The following SKAP1 variants were observed in gnomAD, a reference collection of about 807,000 sequenced individuals.
SKAP1 encodes src kinase-associated phosphoprotein 1.
SKAP1 carries 44 observed loss-of-function variants against 58.5 expected under a neutral mutation model. The observed-to-expected ratio is 0.75, with a 90% CI of 0.59 to 0.97. The LOEUF is 0.97. Among genes scored for constraint, SKAP1 ranks in the 50% least tolerant of loss-of-function variants. SKAP1 has a pLI of 0.00. For synonymous variants in SKAP1, 127 were observed against 149.7 expected (o/e 0.85, Z 1.11); for missense variants, 390 against 435.2 (o/e 0.90, Z 0.92).
chr17:48,344,893 A>C (rs2066702339), intron 4 of SKAP1, among the ~76,000 whole-genome samples: 1 of 152,250 alleles, frequency 6.6e-6, no homozygotes, highest in Admixed American at 6.5e-5. Flanking sequence ...AGTAAAACAG[A>C]AATTATAAGC....
At chr17:48,277,880 A>T (rs2065719844) in intron 4 of SKAP1, among the ~76,000 whole-genome samples, 1 of 152,132 alleles carries the variant, frequency 6.6e-6, no homozygotes, top group Admixed American at 6.6e-5. Context: ...AGGCTTGGGC[A>T]TCACTGTGCC....
chr17:48,217,441 G>A (rs893941104), intron 4 of SKAP1, among the ~76,000 whole-genome samples: 2 of 152,100 alleles, frequency 1.3e-5, no homozygotes, highest in Admixed American at 6.5e-5. Flanking sequence ...GAGCTCAGGT[G>A]TTTGAGACCA....
At chr17:48,205,037 T>TTCTTTCTTTCTCTC in intron 4 of SKAP1, among the ~76,000 whole-genome samples, 2 of 55,802 alleles carry the variant, frequency 3.6e-5, no homozygotes, top group African/African-American at 1.1e-4. Context: ...CTTTCTTTCT[T>TTCTTTCTTTCTCTC]TCTCTCTCTC....
intron 4 of SKAP1, among the ~76,000 whole-genome samples, chr17:48,218,885 TAA>T (rs76150756): frequency 6.8e-6 from 1 of 147,270 alleles, no homozygotes; most frequent in East Asian, 2.0e-4. Context: ...TTCAGATTGT[TAA>T]AAAAAAAACC....
At chr17:48,195,881 G>A (rs920636134) in intron 4 of SKAP1, among the ~76,000 whole-genome samples, 1 of 152,040 alleles carries the variant, frequency 6.6e-6, no homozygotes, top group Non-Finnish European at 1.5e-5. Context: ...AGAAATCTGT[G>A]GAGAAAATCC....
At chr17:48,340,668 C>G (rs1423207447) in intron 4 of SKAP1, among the ~76,000 whole-genome samples, 2 of 151,972 alleles carry the variant, frequency 1.3e-5, no homozygotes, top group East Asian at 3.8e-4. Flanking sequence ...TTTTAAAATT[C>G]TTGAAACTAC....
In SKAP1 at chr17:48,261,309, C is replaced by T. The variant is rs2065481837; in HGVS notation, c.281-71809G>A. Among the ~76,000 whole-genome samples, 4 of 152,100 alleles carry T rather than the reference C, an allele frequency of 2.6e-5. No homozygotes were observed. The South Asian group carries it at 8.3e-4, about 32-fold the overall frequency. On this transcript the variant is annotated intron_variant, in intron 4 of 12. Transcript: ENST00000336915. The stretch of plus-strand genomic sequence containing the variant: ...TGGTGAACAACAGAAGAGTGACATG[C>T]CTGTGACTCACTCTGAATAGAGCCT...
chr17:48,355,451 T>G (rs1567880436), intron 3 of SKAP1, among the ~76,000 whole-genome samples: 1 of 152,120 alleles, frequency 6.6e-6, no homozygotes, highest in Non-Finnish European at 1.5e-5. Flanking sequence ...CTAATTTTTG[T>G]ATCTTCTATA....
chr17:48,410,796 A>G (rs1209030498), intron 1 of SKAP1, among the ~76,000 whole-genome samples: 1 of 151,718 alleles, frequency 6.6e-6, no homozygotes, highest in Non-Finnish European at 1.5e-5. Flanking sequence ...GTGTGGTGGC[A>G]GGCACCTGTA....
At chr17:48,189,677 CTT>C (rs891672689) in intron 4 of SKAP1, among the ~76,000 whole-genome samples, 177 bp from the exon 5 acceptor site, 8 of 143,430 alleles carry the variant, frequency 5.6e-5, no homozygotes, top group Non-Finnish European at 4.6e-5. Context: ...CTTGCTTTTT[CTT>C]TTTTTTTTTT....
At chr17:48,228,539 T>G (rs950286950) in intron 4 of SKAP1, among the ~76,000 whole-genome samples, 1 of 152,180 alleles carries the variant, frequency 6.6e-6, no homozygotes, top group African/African-American at 2.4e-5. Flanking sequence ...ATTTAAGCCT[T>G]GTATTAGGTT....
intron 2 of SKAP1, among the ~76,000 whole-genome samples, chr17:48,394,097 T>C (rs2067384820): frequency 6.6e-6 from 1 of 151,796 alleles, no homozygotes; most frequent in Non-Finnish European, 1.5e-5. Flanking sequence ...TAGCCAGGCA[T>C]GGTGATGTGC....
intron 4 of SKAP1, among the ~76,000 whole-genome samples, chr17:48,317,947 A>G (rs1391253008): frequency 2.0e-5 from 3 of 152,240 alleles, no homozygotes; most frequent in Non-Finnish European, 4.4e-5. Context: ...CAGGTATGAG[A>G]GAAAAATAAT....
chr17:48,429,304 G>A (rs1191821754), intron 1 of SKAP1, among the ~76,000 whole-genome samples: 2 of 152,186 alleles, frequency 1.3e-5, no homozygotes, highest in Non-Finnish European at 2.9e-5. Flanking sequence ...GAAACTGCCC[G>A]TTAGCAACGT....
intron 4 of SKAP1, among the ~76,000 whole-genome samples, chr17:48,321,069 G>T (rs1237102065): frequency 2.6e-5 from 4 of 152,058 alleles, no homozygotes; most frequent in African/African-American, 9.7e-5. Context: ...TCAGTAACAT[G>T]GCTAGCAGTC....
chr17:48,140,546 T>G (rs2063755304), intron 11 of SKAP1, among the ~76,000 whole-genome samples: 1 of 152,174 alleles, frequency 6.6e-6, no homozygotes. Context: ...ACCCCAGGTC[T>G]GTACTGGACC....
At chr17:48,221,261 T>C (rs2065003602) in intron 4 of SKAP1, among the ~76,000 whole-genome samples, 1 of 152,138 alleles carries the variant, frequency 6.6e-6, no homozygotes, top group African/African-American at 2.4e-5. Flanking sequence ...AGTGAGACTC[T>C]GTCTCAATAA....
At chr17:48,150,693 T>C (rs1489292710) in intron 11 of SKAP1, among the ~76,000 whole-genome samples, 1 of 152,194 alleles carries the variant, frequency 6.6e-6, no homozygotes, top group African/African-American at 2.4e-5. Context: ...GCGTATAAGA[T>C]AGATGCTATG....
intron 4 of SKAP1, among the ~76,000 whole-genome samples, chr17:48,277,742 A>C (rs2065718041): frequency 6.6e-6 from 1 of 152,160 alleles, no homozygotes; most frequent in Non-Finnish European, 1.5e-5. Flanking sequence ...TTAGGACTAC[A>C]GTCTCATACC....
Sources: gnomAD v4.1 joint callset for allele counts (sites outside exome capture counted in the v4.1 genomes callset) on GRCh38, gnomAD v4.1.1 for gene constraint, MANE v1.5 for transcripts, NCBI Gene and HGNC (gene_info 2026-07-23, HGNC 2026-07-21) for gene names.